CDKAL1: variants seen among roughly 807,000 people sequenced by gnomAD.
CDKAL1 encodes the protein CDKAL1 threonylcarbamoyladenosine tRNA methylthiotransferase, also known as threonylcarbamoyladenosine tRNA methylthiotransferase.
In CDKAL1, 32 loss-of-function variants were observed where a neutral mutation model predicts 68.2. That is an observed-to-expected ratio of 0.47 (90% CI 0.35 to 0.63). The LOEUF is 0.63. Ranked by LOEUF, CDKAL1 falls within the 30% of genes least tolerant of loss-of-function variation. CDKAL1 has a pLI of 0.00. For synonymous variants in CDKAL1, 234 were observed against 244.3 expected (o/e 0.96, Z 0.39); for missense variants, 606 against 696.7 (o/e 0.87, Z 1.47).
intron 5 of CDKAL1, among the ~76,000 whole-genome samples, chr6:20,688,821 A>G (rs1442110108): frequency 6.6e-6 from 1 of 152,144 alleles, no homozygotes; most frequent in African/African-American, 2.4e-5. Flanking sequence ...TTTTCTTGCT[A>G]TCTAGACACG....
intron 15 of CDKAL1, among the ~76,000 whole-genome samples, chr6:21,223,108 T>C (rs1779596993): frequency 6.6e-6 from 1 of 152,178 alleles, no homozygotes; most frequent in Admixed American, 6.5e-5. Context: ...ATAACACCAT[T>C]ACCTCTGTGA....
At chr6:21,147,571 C>A (rs1394925690) in intron 13 of CDKAL1, among the ~76,000 whole-genome samples, 1 of 152,180 alleles carries the variant, frequency 6.6e-6, no homozygotes, top group Non-Finnish European at 1.5e-5. Flanking sequence ...CTGGTTAGTG[C>A]CCTGCAACCA....
intron 5 of CDKAL1, among the ~76,000 whole-genome samples, chr6:20,683,561 T>G (rs748432542): frequency 1.3e-5 from 2 of 152,200 alleles, no homozygotes; most frequent in Non-Finnish European, 2.9e-5. Flanking sequence ...TAGATTTTAT[T>G]TTTTAGAGCA....
rs1388853272 is a variant in CDKAL1 at position 20,548,549 on chromosome 6, A to G, written c.174-44A>G. On this transcript the variant is annotated intron_variant, in intron 3 of 15. Transcript: ENST00000274695. ...CCCTGGATCAAAAAAAAAAAAAATC[A>G]CTCAATGAAACTTACTTTTTTTTTT... 1.5e-5 allele frequency: 13 copies of G among 877,782 alleles called. 1 individual carries two copies. The Admixed American group carries it at 2.1e-4, about 14-fold the overall frequency. 54.4% of individuals were successfully genotyped at this position (877,782 alleles called of 1,614,324 possible). A position where few individuals can be genotyped will look rare whatever the true frequency, so the allele number is the denominator to read the frequency against.
At chr6:20,604,283 A>T (rs1766236720) in intron 4 of CDKAL1, among the ~76,000 whole-genome samples, 1 of 152,158 alleles carries the variant, frequency 6.6e-6, no homozygotes, top group South Asian at 2.1e-4. Context: ...TTCCCTTTAC[A>T]AGACTGATTG....
chr6:21,226,311 G>C (rs907032835), intron 15 of CDKAL1, among the ~76,000 whole-genome samples: 46 of 135,816 alleles, frequency 3.4e-4, no homozygotes, highest in African/African-American at 1.2e-3. Context: ...TTGAAATTTT[G>C]GTATCCATAC....
At chr6:21,020,714 G>T (rs549205711) in intron 11 of CDKAL1, among the ~76,000 whole-genome samples, 1 of 151,204 alleles carries the variant, frequency 6.6e-6, no homozygotes, top group South Asian at 2.1e-4. Context: ...TGATCTGCCT[G>T]CCTTGGCCTC....
chr6:20,664,645 G>A (rs927411349), intron 5 of CDKAL1, among the ~76,000 whole-genome samples: 2 of 152,072 alleles, frequency 1.3e-5, no homozygotes, highest in African/African-American at 4.8e-5. Flanking sequence ...ATTTTAATTT[G>A]ATAACAAAGG....
At chr6:20,686,076 G>A (rs1487096421) in intron 5 of CDKAL1, among the ~76,000 whole-genome samples, 2 of 103,892 alleles carry the variant, frequency 1.9e-5, no homozygotes, top group African/African-American at 8.2e-5. Context: ...TAGCTTATTT[G>A]TTTTAAGGTT....
rs1056661780 is a variant in CDKAL1, at chr6:20,961,814, G to A, written c.909+6229G>A. Among the ~76,000 whole-genome samples the A allele has an allele frequency of 4.1e-4, 62 of 151,084 alleles. 1 individual carries two copies. The highest frequency in any genetic ancestry group is 1.4e-3 in the African/African-American group (56 of 41,180). Reference sequence around the variant, plus strand: ...ACAAAAAAAAAACATCAAGTACTACGCTTAGTACCTGGATGACTAAATAAT... The same window carrying A: ...ACAAAAAAAAAACATCAAGTACTACACTTAGTACCTGGATGACTAAATAAT... On this transcript the variant is annotated intron_variant, in intron 10 of 15. Coordinates refer to ENST00000274695, the MANE Select transcript of CDKAL1 (RefSeq NM_017774.3).
At chr6:20,944,078 T>G (rs1764116735) in intron 9 of CDKAL1, among the ~76,000 whole-genome samples, 1 of 152,190 alleles carries the variant, frequency 6.6e-6, no homozygotes, top group African/African-American at 2.4e-5. Flanking sequence ...CCTTCCAAAC[T>G]CCAACCTCTG....
intron 13 of CDKAL1, among the ~76,000 whole-genome samples, chr6:21,117,879 C>T (rs1234667793): frequency 1.1e-4 from 16 of 152,104 alleles, no homozygotes; most frequent in Admixed American, 1.0e-3. Flanking sequence ...ATATAATGCA[C>T]CTGGTCTCCC....
intron 4 of CDKAL1, among the ~76,000 whole-genome samples, chr6:20,590,665 T>C (rs1460799951): frequency 6.6e-6 from 1 of 152,222 alleles, no homozygotes; most frequent in African/African-American, 2.4e-5. Context: ...GCTTCATCCA[T>C]GTCCCTGCAA....
chr6:20,541,615 C>T (rs997499429), intron 2 of CDKAL1, among the ~76,000 whole-genome samples: 2 of 151,996 alleles, frequency 1.3e-5, no homozygotes, highest in East Asian at 3.9e-4. Flanking sequence ...AAGCTTGGGT[C>T]ATGTTCCCCA....
intron 4 of CDKAL1, among the ~76,000 whole-genome samples, chr6:20,621,668 CTTTA>C (rs1379179901): frequency 6.6e-6 from 1 of 151,842 alleles, no homozygotes; most frequent in African/African-American, 2.4e-5. Context: ...TTCAATACTA[CTTTA>C]TTTATTTTGT....
At chr6:21,053,537 T>G (rs946310540) in intron 11 of CDKAL1, among the ~76,000 whole-genome samples, 3 of 152,214 alleles carry the variant, frequency 2.0e-5, no homozygotes, top group Admixed American at 2.0e-4. Context: ...TTTAAGAAAC[T>G]GTCAGACTGT....
chr6:20,951,451 C>T (rs531848414), intron 9 of CDKAL1, among the ~76,000 whole-genome samples: 3 of 152,228 alleles, frequency 2.0e-5, no homozygotes, highest in Non-Finnish European at 2.9e-5. Context: ...CTTCTACTTC[C>T]GTCTCCTGTC....
At chr6:20,577,217 T>C (rs1336581486) in intron 4 of CDKAL1, among the ~76,000 whole-genome samples, 1 of 152,196 alleles carries the variant, frequency 6.6e-6, no homozygotes, top group Non-Finnish European at 1.5e-5. Context: ...TTAACACATT[T>C]TATTATGAAC....
chr6:20,651,587 C>G (rs1459072307), intron 5 of CDKAL1, among the ~76,000 whole-genome samples: 3 of 151,982 alleles, frequency 2.0e-5, no homozygotes, highest in African/African-American at 7.3e-5. Flanking sequence ...ACTTCCAATG[C>G]TGTGTTGAAT....
Sources: allele counts gnomAD v4.1 joint callset (sites outside exome capture counted in the v4.1 genomes callset), GRCh38; gene constraint gnomAD v4.1.1; transcripts MANE v1.5; gene names NCBI Gene and HGNC (gene_info 2026-07-23, HGNC 2026-07-21).